SUGCT: variants seen among roughly 807,000 people sequenced by gnomAD.
The protein encoded by SUGCT is succinyl-CoA:glutarate-CoA transferase.
Under a neutral mutation model 55.0 loss-of-function variants are expected in SUGCT, and 41 were observed. The ratio of observed to expected loss-of-function variants is 0.74; its 90% confidence interval spans 0.58 to 0.97. The LOEUF is 0.97. Ranked by LOEUF, SUGCT falls within the 50% of genes least tolerant of loss-of-function variation. The probability of loss-of-function intolerance (pLI) is 0.00; values close to 1 mark genes in which losing one functional copy is unlikely to be tolerated. For synonymous variants in SUGCT, 187 were observed against 200.4 expected, an observed-to-expected ratio of 0.93 and a Z score of 0.56; for missense variants, 568 against 547.8, an observed-to-expected ratio of 1.04 and a Z score of -0.37.
intron 12 of SUGCT, among the ~76,000 whole-genome samples, chr7:40,702,469 C>T (rs548073014): frequency 3.7e-4 from 56 of 152,296 alleles, no homozygotes; most frequent in Non-Finnish European, 6.3e-4. Context: ...CTCTAACAGC[C>T]ACAAATTACC....
intron 8 of SUGCT, 77 bp from the exon 9 acceptor site, chr7:40,316,683 T>G: frequency 1.1e-6 from 1 of 930,846 alleles, no homozygotes; most frequent in South Asian, 1.9e-5. Flanking sequence ...GAAATTACTT[T>G]CATAATATAA....
At position 40,339,118 on chromosome 7, in the gene SUGCT, A is replaced by G. The variant is rs562270518; in HGVS notation, c.816+22263A>G. On this transcript the variant is annotated intron_variant, in intron 9 of 13. Transcript: ENST00000335693. Reference sequence around the variant, plus strand: ...ATTGTTCCTCTGGAAGCTTTGTCTCAGAGGGGTACCCAGCCGTGTGAGGTG... The same window carrying G: ...ATTGTTCCTCTGGAAGCTTTGTCTCGGAGGGGTACCCAGCCGTGTGAGGTG... 8.3e-4 allele frequency among the ~76,000 whole-genome samples: 127 copies of G among 152,272 alleles called. 1 individual carries two copies. Among genetic ancestry groups the G allele is most frequent in the South Asian group, 7.7e-3 (37 of 4,826 alleles).
chr7:40,962,955 C>T, the SUGCT span, among the ~76,000 whole-genome samples: 1 of 152,242 alleles, frequency 6.6e-6, no homozygotes. Context: ...CCAGCTTCCT[C>T]CCCTTATAAT....
chr7:41,025,577 G>A, the SUGCT span, among the ~76,000 whole-genome samples: 38 of 152,014 alleles, frequency 2.5e-4, no homozygotes, highest in Admixed American at 5.2e-4. Flanking sequence ...GGCTGGTCTC[G>A]AACTCCTGAC....
At chr7:40,462,313 C>T (rs968149426) in intron 11 of SUGCT, among the ~76,000 whole-genome samples, 1 of 152,036 alleles carries the variant, frequency 6.6e-6, no homozygotes. Context: ...GGACAGTGTG[C>T]TTGGATCTGA....
the SUGCT span, among the ~76,000 whole-genome samples, chr7:41,007,441 C>T: frequency 5.9e-5 from 9 of 152,278 alleles, no homozygotes; most frequent in Non-Finnish European, 1.2e-4. Context: ...ATACTCAGCA[C>T]GGGAGCTCAT....
At chr7:40,590,810 G>T (rs939331972) in intron 12 of SUGCT, among the ~76,000 whole-genome samples, 10 of 152,088 alleles carry the variant, frequency 6.6e-5, no homozygotes, top group Non-Finnish European at 1.5e-5. Flanking sequence ...CCTTGCCTGT[G>T]CTCCGTACAT....
the SUGCT span, among the ~76,000 whole-genome samples, chr7:40,909,741 G>A: frequency 6.6e-6 from 1 of 152,162 alleles, no homozygotes; most frequent in South Asian, 2.1e-4. Context: ...GCCCCTTCCA[G>A]ACAGACCGGC....
intron 9 of SUGCT, among the ~76,000 whole-genome samples, chr7:40,424,233 A>G (rs1787466363): frequency 6.6e-6 from 1 of 152,174 alleles, no homozygotes; most frequent in Admixed American, 6.5e-5. Flanking sequence ...TGTAGTTTTC[A>G]TAAAGAAAGG....
At position 40,237,698 on chromosome 7, in the gene SUGCT, C is replaced by T. The variant is rs770914253; in HGVS notation, c.548C>T (p.Ser183Phe). The T allele has an allele frequency of 3.1e-6, 5 of 1,613,910 alleles. No homozygotes were observed. The highest frequency in any genetic ancestry group is 1.7e-6 in the Non-Finnish European group (2 of 1,179,840). ...AGYDAVASAV[S>F]GLMHITGPEN... is the part of the protein sequence containing the mutation. The stretch of plus-strand genomic sequence containing the variant: ...TATGATGCTGTTGCCTCGGCTGTTT[C>T]TGGTCTGATGCACATCACAGGGCCT... The change falls in exon 7 of 14, where the codon TCT becomes TTT. Residue 183 changes from serine (S) to phenylalanine (F), a missense_variant. Physicochemically the swap from Ser to Phe is radical, Grantham distance 155 (BLOSUM62 -2). Coordinates refer to ENST00000335693, the MANE Select transcript of SUGCT (RefSeq NM_001193313.2).
At chr7:40,149,223 T>C (rs1475749546) in intron 1 of SUGCT, among the ~76,000 whole-genome samples, 4 of 152,182 alleles carry the variant, frequency 2.6e-5, no homozygotes, top group African/African-American at 9.7e-5. Flanking sequence ...ACTGGATTTT[T>C]ATACATGTAG....
chr7:40,251,722 C>T (rs1584468292), intron 7 of SUGCT, among the ~76,000 whole-genome samples: 2 of 151,906 alleles, frequency 1.3e-5, no homozygotes, highest in East Asian at 1.9e-4. Context: ...ATTGTATTTT[C>T]CCCCCTTAGA....
chr7:40,153,179 AT>A, intron 1 of SUGCT: 2 of 323,258 alleles, frequency 6.2e-6, no homozygotes, highest in South Asian at 5.6e-5. Flanking sequence ...ATCTTAGATT[AT>A]TGTGAAACTC....
In SUGCT at chr7:40,135,268, GGGCCTGCGGCC is replaced by G. The variant is rs1427732320; in HGVS notation, c.100+156_100+166del. 3.7e-6 allele frequency: 4 copies of G among 1,084,572 alleles called. No homozygotes were observed. The African/African-American group carries it at 6.7e-5, about 18-fold the overall frequency. 67.2% of individuals were successfully genotyped at this position (1,084,572 alleles called of 1,614,324 possible). A position where few individuals can be genotyped will look rare whatever the true frequency, so the allele number is the denominator to read the frequency against. On this transcript the variant is annotated intron_variant, in intron 1 of 13. Transcript: ENST00000335693. ...TCGCCTCCCTGCAACCCCGTTCCGT[GGGCCTGCGGCC>G]GGCCTGCCCCGCTCTGGCCGCCCAG...
intron 1 of SUGCT, 27 bp downstream of exon 1, chr7:40,135,147 G>T (rs1223465804): frequency 6.6e-7 from 1 of 1,524,032 alleles, no homozygotes; most frequent in Admixed American, 2.1e-5. Flanking sequence ...GGTCTGGGTG[G>T]CTAAAGGGAT....
the SUGCT span, among the ~76,000 whole-genome samples, chr7:41,023,994 T>C: frequency 6.6e-6 from 1 of 152,202 alleles, no homozygotes; most frequent in African/African-American, 2.4e-5. Context: ...GATCAAGCTC[T>C]GGTAATGAAA....
the SUGCT span, among the ~76,000 whole-genome samples, chr7:40,935,576 A>G: frequency 3.9e-5 from 6 of 152,214 alleles, no homozygotes; most frequent in Non-Finnish European, 8.8e-5. Flanking sequence ...TGAAGCATGT[A>G]TACATACTTT....
At chr7:40,419,400 T>C (rs189372098) in intron 9 of SUGCT, among the ~76,000 whole-genome samples, 168 of 152,326 alleles carry the variant, frequency 1.1e-3, no homozygotes, top group Admixed American at 2.1e-3. Flanking sequence ...ACTTGATTCA[T>C]TACTGAAAAG....
At chr7:40,560,124 C>G (rs148661843) in intron 12 of SUGCT, among the ~76,000 whole-genome samples, 1 of 152,264 alleles carries the variant, frequency 6.6e-6, no homozygotes, top group Non-Finnish European at 1.5e-5. Context: ...ACACATCTCC[C>G]CACTTCCTAT....
Sources: gnomAD v4.1 joint callset for allele counts (sites outside exome capture counted in the v4.1 genomes callset) on GRCh38, gnomAD v4.1.1 for gene constraint, MANE v1.5 for transcripts, NCBI Gene and HGNC (gene_info 2026-07-23, HGNC 2026-07-21) for gene names.